The following NUSAP1 variants were observed in gnomAD, a reference collection of about 807,000 sequenced individuals.
The protein encoded by NUSAP1 is nucleolar and spindle-associated protein 1.
In NUSAP1, 32 loss-of-function variants were observed where a neutral mutation model predicts 52.8. The observed-to-expected ratio is 0.61, with a 90% confidence interval of 0.46 to 0.81. NUSAP1 has a LOEUF of 0.81. Ranked by LOEUF, NUSAP1 falls within the 40% of genes least tolerant of loss-of-function variation. The probability of loss-of-function intolerance (pLI) is 0.00; values close to 1 mark genes in which losing one functional copy is unlikely to be tolerated. For missense variants in NUSAP1, 499 were observed against 522.3 expected (o/e 0.96, Z 0.43); for synonymous variants, 195 against 183.1 (o/e 1.06, Z -0.52).
chr15:41,335,240 A>G (rs1383134920), intron 1 of NUSAP1, among the ~76,000 whole-genome samples: 1 of 145,992 alleles, frequency 6.8e-6, no homozygotes, highest in Non-Finnish European at 1.5e-5. Context: ...TAATTATGCT[A>G]ATAAAATTTA....
chr15:41,376,390 C>T (rs2049935890), intron 9 of NUSAP1, among the ~76,000 whole-genome samples: 1 of 150,186 alleles, frequency 6.7e-6, no homozygotes, highest in South Asian at 2.1e-4. Flanking sequence ...CATAGTGAGA[C>T]CACGCCTCAA....
At chr15:41,378,561 G>A (rs2050067627) in intron 10 of NUSAP1, among the ~76,000 whole-genome samples, 1 of 152,194 alleles carries the variant, frequency 6.6e-6, no homozygotes, top group African/African-American at 2.4e-5. Context: ...CAAGGCGGGT[G>A]GATCACGATG....
At chr15:41,344,607 C>T (rs1250972952) in intron 2 of NUSAP1, among the ~76,000 whole-genome samples, 1 of 151,696 alleles carries the variant, frequency 6.6e-6, no homozygotes, top group Non-Finnish European at 1.5e-5. Context: ...CACTGCACTC[C>T]AGCCTGGGCG....
chr15:41,360,307 TTTTGTTTG>T (rs199646414), intron 6 of NUSAP1, among the ~76,000 whole-genome samples: 20 of 148,976 alleles, frequency 1.3e-4, no homozygotes, highest in African/African-American at 4.5e-4. Flanking sequence ...CCCGGCTAAT[TTTTGTTTG>T]TTTGTTTGTT....
intron 10 of NUSAP1, among the ~76,000 whole-genome samples, chr15:41,378,959 T>TTTTTTTTTTTTTG (rs2050102534): frequency 8.7e-6 from 1 of 115,516 alleles, no homozygotes; most frequent in Non-Finnish European, 1.8e-5. Context: ...TTTTTTTTTT[T>TTTTTTTTTTTTTG]TTTTTTTTTT....
intron 1 of NUSAP1, among the ~76,000 whole-genome samples, chr15:41,337,402 T>C (rs1472847849): frequency 6.6e-5 from 10 of 152,218 alleles, no homozygotes. Flanking sequence ...TTTCCATTTA[T>C]GCTGAAGATC....
chr15:41,362,720 G>A lies in NUSAP1; in HGVS notation c.661-2682G>A, dbSNP rs147614212. 1.9e-3 allele frequency among the ~76,000 whole-genome samples: 291 copies of A among 152,004 alleles called. 8 individuals carry two copies. The East Asian group carries it at 0.039, about 21-fold the overall frequency. Reference sequence around the variant, plus strand: ...GCTGGGATTACAGGCGTGAGCCACCGTGCCTGGCCCCATTGTTTACCTTTT... The same window carrying A: ...GCTGGGATTACAGGCGTGAGCCACCATGCCTGGCCCCATTGTTTACCTTTT... On this transcript the variant is annotated intron_variant, in intron 6 of 10. Coordinates refer to ENST00000559596, the MANE Select transcript of NUSAP1 (RefSeq NM_016359.5).
At position 41,342,426 on chromosome 15, in the gene NUSAP1, A is replaced by C. The variant is rs191878812; in HGVS notation, c.134A>C (p.His45Pro). Residue 45 changes from histidine (H) to proline (P), a missense_variant, in exon 2 of 11, where the codon CAT (histidine) becomes CCT (proline). Coordinates refer to ENST00000559596, the MANE Select transcript of NUSAP1 (RefSeq NM_016359.5). ...LLKALKGYIK[H>P]EARKGNENQD... Reference sequence around the variant, plus strand: ...AAAGCCTTGAAAGGCTACATTAAACATGAGGCAAGAAAAGGAAATGAGAAT... The same window carrying C: ...AAAGCCTTGAAAGGCTACATTAAACCTGAGGCAAGAAAAGGAAATGAGAAT... The C allele has an allele frequency of 6.3e-7, 1 of 1,594,720 alleles. No individual in the cohort carries two copies. The highest frequency in any genetic ancestry group is 2.2e-5 in the East Asian group (1 of 44,554).
rs182333072 is a variant in NUSAP1 at position 41,349,345 on chromosome 15, A to G, written c.306+104A>G. 9.5e-4 allele frequency: 1,124 copies of G among 1,177,482 alleles called. 2 individuals carry two copies. The highest frequency in any genetic ancestry group is 1.9e-3 in the Admixed American group (83 of 44,532). The allele number at this position is 1,177,482 out of a possible 1,614,324, so 72.9% of individuals were successfully genotyped here. A position where few individuals can be genotyped will look rare whatever the true frequency, so the allele number is the denominator to read the frequency against. ...TCCCATGTGATGTCATGTGTTTGTA[A>G]GGTTACTGTGTGCTGTAAGCTCCAT... On this transcript the variant is annotated intron_variant, in intron 3 of 10. Coordinates refer to ENST00000559596, the MANE Select transcript of NUSAP1 (RefSeq NM_016359.5).
chr15:41,376,867 G>C (rs992938406), intron 9 of NUSAP1, among the ~76,000 whole-genome samples: 5 of 151,768 alleles, frequency 3.3e-5, no homozygotes, highest in African/African-American at 1.2e-4. Flanking sequence ...TTGAGAACAG[G>C]AGCTCAAGAC....
At position 41,371,813 on chromosome 15, in the gene NUSAP1, C is replaced by T. The variant is rs374253709; in HGVS notation, c.1006+129C>T. The T allele has an allele frequency of 5.7e-5, 61 of 1,071,742 alleles. 1 individual carries two copies. Among genetic ancestry groups the T allele is most frequent in the Admixed American group, 4.1e-4 (14 of 33,856 alleles). The allele number at this position is 1,071,742 out of a possible 1,614,324, so 66.4% of individuals were successfully genotyped here. ...GAGATGGAGTTTCGCTTTTGTCACC[C>T]AGGCTAGAGTGTAATGGCGGGATCT... On this transcript the variant is annotated intron_variant, in intron 8 of 10. Coordinates refer to ENST00000559596, the MANE Select transcript of NUSAP1 (RefSeq NM_016359.5).
chr15:41,339,351 G>A (rs548406786), intron 1 of NUSAP1, among the ~76,000 whole-genome samples: 4 of 151,338 alleles, frequency 2.6e-5, no homozygotes, highest in Admixed American at 2.6e-4. Flanking sequence ...ATGAGACAAT[G>A]CAAATGACTA....
rs749149980 is a variant in NUSAP1 at position 41,365,402 on chromosome 15, C to T, written c.661C>T (p.Gln221Ter). 1.9e-6 allele frequency: 3 copies of T among 1,601,500 alleles called. No homozygotes were observed. The highest frequency in any genetic ancestry group is 1.7e-5 in the Admixed American group (1 of 58,520). Residue 221 changes from glutamine to a stop codon, truncating the protein, a stop_gained and splice_region_variant, in exon 7 of 11, where the codon CAG becomes TAG. Coordinates refer to ENST00000559596, the MANE Select transcript of NUSAP1 (RefSeq NM_016359.5). LOFTEE classifies it high-confidence loss of function. ...EEHNSMNELK[Q>*]QPINKGGVRT... ...TTAAAATGATGCATTTTCTCTTCAG[C>T]AGCAGCCCATCAATAAGGGAGGGGT... is the stretch of plus-strand genomic sequence containing the variant.
chr15:41,371,474 A>G, intron 7 of NUSAP1, 53 bp from the exon 8 acceptor site: 2 of 1,453,042 alleles, frequency 1.4e-6, no homozygotes, highest in South Asian at 3.0e-5. Context: ...TAAGCTAGAC[A>G]CAAGTTACTC....
At chr15:41,371,824 G>A in intron 8 of NUSAP1, 140 bp downstream of exon 8, 6 of 959,766 alleles carry the variant, frequency 6.3e-6, no homozygotes, top group Non-Finnish European at 9.0e-6. Context: ...AGGCTAGAGT[G>A]TAATGGCGGG....
chr15:41,349,987 G>T (rs1209890253), intron 3 of NUSAP1, among the ~76,000 whole-genome samples: 1 of 151,918 alleles, frequency 6.6e-6, no homozygotes, highest in East Asian at 1.9e-4. Flanking sequence ...GGCTAATCTT[G>T]AACTCCTGAC....
At chr15:41,350,172 G>A (rs528760512) in intron 3 of NUSAP1, among the ~76,000 whole-genome samples, 42 of 152,242 alleles carry the variant, frequency 2.8e-4, no homozygotes, top group African/African-American at 9.9e-4. Flanking sequence ...TTTTAGGCAC[G>A]CACCGGCTCG....
chr15:41,376,117 G>A (rs115428761), intron 9 of NUSAP1, among the ~76,000 whole-genome samples: 1,714 of 152,178 alleles, frequency 0.011, 38 homozygotes, highest in African/African-American at 0.04. Context: ...TTCTGCGGCC[G>A]GGCGCAGTGG....
Position 41,352,643 on chromosome 15 carries a change from C to T in NUSAP1, c.448+1514C>T, listed in dbSNP as rs567269271. Reference sequence around the variant, plus strand: ...TTGCTCTGTTGCCCAGGCTAGAGCACAGTGGCACGATCTCAGCTCACTGCA... The same window carrying T: ...TTGCTCTGTTGCCCAGGCTAGAGCATAGTGGCACGATCTCAGCTCACTGCA... On this transcript the variant is annotated intron_variant, in intron 4 of 10. Transcript: ENST00000559596. Among the ~76,000 whole-genome samples, 5 of 151,876 alleles carry T rather than the reference C, an allele frequency of 3.3e-5. No individual in the cohort carries two copies. In the South Asian group the frequency reaches 1.0e-3, roughly 32 times the overall value.
Sources: allele counts gnomAD v4.1 joint callset (sites outside exome capture counted in the v4.1 genomes callset), GRCh38; gene constraint gnomAD v4.1.1; transcripts MANE v1.5; gene names NCBI Gene and HGNC (gene_info 2026-07-23, HGNC 2026-07-21).